The following NRXN3 variants were observed in gnomAD, a reference collection of about 807,000 sequenced individuals.
The protein encoded by NRXN3 is neurexin 3.
NRXN3 carries 32 observed loss-of-function variants against 137.6 expected under a neutral mutation model. That is an observed-to-expected ratio of 0.23 (90% CI 0.18 to 0.31). The LOEUF (loss-of-function observed/expected upper bound fraction) is 0.31, where lower values mean the gene tolerates loss of function less well. Among genes scored for constraint, NRXN3 ranks in the 10% least tolerant of loss-of-function variants. The pLI, the probability that NRXN3 is intolerant of heterozygous loss-of-function variation, is 1.00. For synonymous variants in NRXN3, 798 were observed against 784.5 expected, an observed-to-expected ratio of 1.02 and a Z score of -0.29; for missense variants, 1,574 against 2,062.5, an observed-to-expected ratio of 0.76 and a Z score of 4.59.
intron 15 of NRXN3, among the ~76,000 whole-genome samples, chr14:79,035,783 A>G (rs79553018): frequency 0.017 from 2,630 of 152,192 alleles, 61 homozygotes; most frequent in African/African-American, 0.049. Flanking sequence ...CTCTACTTCT[A>G]TATCTAAGTA....
At chr14:78,751,591 G>C (rs1202875829) in intron 8 of NRXN3, among the ~76,000 whole-genome samples, 1 of 152,132 alleles carries the variant, frequency 6.6e-6, no homozygotes, top group Non-Finnish European at 1.5e-5. Context: ...GCATCTGTGA[G>C]TGTCTCATTA....
intron 19 of NRXN3, among the ~76,000 whole-genome samples, chr14:79,779,239 G>A (rs965903784): frequency 2.0e-5 from 3 of 151,964 alleles, no homozygotes; most frequent in African/African-American, 7.3e-5. Context: ...TCAGCCTCTC[G>A]AGTAGCTGGG....
chr14:78,581,275 T>C (rs987290390), intron 4 of NRXN3, among the ~76,000 whole-genome samples: 2 of 152,178 alleles, frequency 1.3e-5, no homozygotes, highest in African/African-American at 4.8e-5. Context: ...GACTGAATAA[T>C]TTATAAATAA....
intron 15 of NRXN3, among the ~76,000 whole-genome samples, chr14:79,029,449 C>A (rs2099603805): frequency 6.6e-6 from 1 of 152,072 alleles, no homozygotes; most frequent in Non-Finnish European, 1.5e-5. Context: ...TGGAAGGTGA[C>A]CCTTTCTAAG....
At chr14:79,848,460 G>A (rs748107874) in intron 20 of NRXN3, among the ~76,000 whole-genome samples, 7 of 148,218 alleles carry the variant, frequency 4.7e-5, no homozygotes, top group Non-Finnish European at 8.9e-5. Context: ...ATGTTTTTTG[G>A]TCTCATAAGC....
intron 15 of NRXN3, among the ~76,000 whole-genome samples, chr14:79,132,884 C>G (rs2057739443): frequency 6.6e-6 from 1 of 152,220 alleles, no homozygotes. Context: ...AGCTCTGACA[C>G]TAACATGACC....
chr14:79,777,956 C>T (rs1434177510), intron 19 of NRXN3, among the ~76,000 whole-genome samples: 1 of 151,998 alleles, frequency 6.6e-6, no homozygotes, highest in African/African-American at 2.4e-5. Context: ...GAGACCTTCT[C>T]TTGAAAACTA....
intron 16 of NRXN3, among the ~76,000 whole-genome samples, chr14:79,546,181 T>G (rs2097318139): frequency 1.3e-5 from 2 of 152,216 alleles, no homozygotes; most frequent in Non-Finnish European, 2.9e-5. Context: ...GTCTTGGATA[T>G]GTCTTTATCA....
chr14:79,198,306 T>C (rs1292518263), intron 15 of NRXN3, among the ~76,000 whole-genome samples: 1 of 152,242 alleles, frequency 6.6e-6, no homozygotes, highest in East Asian at 1.9e-4. Context: ...GTTGGCTGTT[T>C]TCCCTTGATC....
intron 15 of NRXN3, among the ~76,000 whole-genome samples, chr14:79,194,787 T>C (rs2153190365): frequency 6.6e-6 from 1 of 152,304 alleles, no homozygotes; most frequent in African/African-American, 2.4e-5. Context: ...TCAGATCTCC[T>C]AGATGAGCTG....
intron 2 of NRXN3, among the ~76,000 whole-genome samples, chr14:78,259,131 CAAA>C (rs138126967): frequency 2.1e-5 from 2 of 93,110 alleles, no homozygotes; most frequent in African/African-American, 4.0e-5. Context: ...GACTCCATCT[CAAA>C]AAAAAAAAAA....
At chr14:79,859,875 G>A (rs2099410638) in intron 20 of NRXN3, among the ~76,000 whole-genome samples, 1 of 152,140 alleles carries the variant, frequency 6.6e-6, no homozygotes, top group African/African-American at 2.4e-5. Flanking sequence ...TTAAGTGATA[G>A]TGGGAATACA....
At chr14:79,318,374 G>T (rs1360288948) in intron 15 of NRXN3, among the ~76,000 whole-genome samples, 1 of 152,222 alleles carries the variant, frequency 6.6e-6, no homozygotes, top group Non-Finnish European at 1.5e-5. Context: ...CAGTTTGGAT[G>T]CTGGGTCCTG....
intron 10 of NRXN3, among the ~76,000 whole-genome samples, chr14:78,872,208 T>C (rs182634891): frequency 2.6e-4 from 39 of 149,252 alleles, no homozygotes; most frequent in African/African-American, 8.3e-4. Context: ...AATTCTTTTG[T>C]TGAATAAATC....
chr14:79,337,487 C>G (rs761198034), intron 15 of NRXN3, among the ~76,000 whole-genome samples: 3 of 152,122 alleles, frequency 2.0e-5, no homozygotes, highest in African/African-American at 7.2e-5. Flanking sequence ...CGATATATTG[C>G]TTTCTTCCAT....
At chr14:78,632,224 A>G (rs1205018045) in intron 4 of NRXN3, among the ~76,000 whole-genome samples, 3 of 151,314 alleles carry the variant, frequency 2.0e-5, no homozygotes, top group South Asian at 4.2e-4. Context: ...TTTTTTTCCT[A>G]TTGTTTTATG....
At chr14:79,015,806 C>A (rs1009504043) in intron 15 of NRXN3, among the ~76,000 whole-genome samples, 1 of 152,062 alleles carries the variant, frequency 6.6e-6, no homozygotes, top group Non-Finnish European at 1.5e-5. Context: ...TAAATGATAC[C>A]CTACAGCAGG....
At chr14:79,070,105 T>G (rs936046728) in intron 15 of NRXN3, among the ~76,000 whole-genome samples, 1 of 152,220 alleles carries the variant, frequency 6.6e-6, no homozygotes, top group Non-Finnish European at 1.5e-5. Context: ...AAGGATGTTA[T>G]GACCCTCTAA....
At chr14:79,314,757 C>G (rs1004136699) in intron 15 of NRXN3, among the ~76,000 whole-genome samples, 1 of 147,272 alleles carries the variant, frequency 6.8e-6, no homozygotes, top group African/African-American at 2.5e-5. Flanking sequence ...GTCCCTGACC[C>G]CTGACCCCCA....
Sources: gnomAD v4.1 joint callset for allele counts (sites outside exome capture counted in the v4.1 genomes callset) on GRCh38, gnomAD v4.1.1 for gene constraint, MANE v1.5 for transcripts, NCBI Gene and HGNC (gene_info 2026-07-23, HGNC 2026-07-21) for gene names.